SLFN11: variants seen among roughly 807,000 people sequenced by gnomAD.
SLFN11 encodes the protein schlafen family member 11.
A neutral mutation model predicts 53.4 loss-of-function variants in SLFN11; 43 were observed. The ratio of observed to expected loss-of-function variants is 0.80; its 90% CI spans 0.63 to 1.04. SLFN11 has a LOEUF of 1.04. SLFN11 is among the 50% of genes least tolerant of loss of function. SLFN11 has a pLI of 0.00. For synonymous variants in SLFN11, 389 were observed against 394.7 expected, an observed-to-expected ratio of 0.99 and a Z score of 0.17; for missense variants, 990 against 1,079.1, an observed-to-expected ratio of 0.92 and a Z score of 1.16.
In SLFN11 at chr17:35,360,233, C is replaced by T. The variant is rs1207915714; in HGVS notation, c.1198+10G>A. On this transcript the variant is annotated intron_variant, in intron 5 of 6. Coordinates refer to ENST00000685675, the MANE Select transcript of SLFN11 (RefSeq NM_001376007.1). ...AACTGGCTGGTGTTGAGAAGACAAACCATAATTACCTGAAAATAAAAGTTG... is the reference window on the plus strand; with the variant it reads ...AACTGGCTGGTGTTGAGAAGACAAATCATAATTACCTGAAAATAAAAGTTG... 1 of 1,607,822 alleles carries T rather than the reference C, an allele frequency of 6.2e-7. No individual in the cohort carries two copies. Among genetic ancestry groups the T allele is most frequent in the African/African-American group, 1.3e-5 (1 of 74,424 alleles).
chr17:35,363,394 G>A lies in SLFN11; in HGVS notation c.414C>T (p.Thr138=), dbSNP rs948128070. ...LSSSLYRRSE[T]SVRSMDSREA... is the part of the protein sequence containing the mutation. ...CTCTTGAGTCCATGGAACGCACAGA[G>A]GTCTCAGATCTACGGTATAATGAAG... The change falls in exon 4 of 7, where the codon ACC becomes ACT. Residue 138 remains threonine (T), a synonymous_variant. Coordinates refer to ENST00000685675, the MANE Select transcript of SLFN11 (RefSeq NM_001376007.1). 2 of 1,613,832 alleles carry A rather than the reference G, an allele frequency of 1.2e-6. No individual in the cohort carries two copies. Among genetic ancestry groups the A allele is most frequent in the African/African-American group, 2.7e-5 (2 of 74,874 alleles).
chr17:35,371,599 T>C (rs1909668784), intron 1 of SLFN11, among the ~76,000 whole-genome samples: 1 of 151,998 alleles, frequency 6.6e-6, no homozygotes, highest in Non-Finnish European at 1.5e-5. Flanking sequence ...AACCAGAACA[T>C]ATCAGGAGCT....
chr17:35,363,310 A>T lies in SLFN11; in HGVS notation c.498T>A (p.Phe166Leu). 1 of 1,613,968 alleles carries T rather than the reference A, an allele frequency of 6.2e-7. No individual in the cohort carries two copies. Among genetic ancestry groups the T allele is most frequent in the South Asian group, 1.1e-5 (1 of 91,078 alleles). Residue 166 changes from phenylalanine to leucine, a missense_variant, in exon 4 of 7, where the codon TTT becomes TTA. Physicochemically the swap from Phe to Leu is conservative, Grantham distance 22. Around this residue, in one of 3 missense-constraint regions of SLFN11, gnomAD observed 521 missense variants for 516.2 expected, o/e 1.01. Coordinates refer to ENST00000685675, the MANE Select transcript of SLFN11 (RefSeq NM_001376007.1). ...GGTATACACCCTTGTGAATTTTGTGAAAAGGTCCTTCTTCCAAGATTTTTG... is the reference window on the plus strand; with the variant it reads ...GGTATACACCCTTGTGAATTTTGTGTAAAGGTCCTTCTTCCAAGATTTTTG... ...RKPKILEEGP[F>L]HKIHKGVYQE... is the part of the protein sequence containing the mutation.
Position 35,353,971 on chromosome 17 carries a change from C to T in SLFN11, c.1287G>A (p.Lys429=), listed in dbSNP as rs374459913. The change falls in exon 6 of 7, where the codon AAG becomes AAA. Residue 429 remains lysine, a synonymous_variant. Transcript: ENST00000685675. The part of the protein sequence containing the change: ...EHRGLEELIN[K]QMQPFFRGIL... ...TTCCCCGAAAGAAAGGTTGCATTTG[C>T]TTATTTATTAACTCCTCTAGTCCTC... 23 of 1,614,058 alleles carry T rather than the reference C, an allele frequency of 1.4e-5. No homozygotes were observed. In the South Asian group the frequency reaches 1.6e-4, roughly 12 times the overall value.
chr17:35,357,381 G>C (rs563701952), intron 5 of SLFN11, among the ~76,000 whole-genome samples: 3 of 151,934 alleles, frequency 2.0e-5, no homozygotes, highest in Admixed American at 1.3e-4. Context: ...TTTGAATCTT[G>C]ATTTTTTTAA....
intron 1 of SLFN11, among the ~76,000 whole-genome samples, chr17:35,369,387 G>A (rs1207653620): frequency 6.6e-6 from 1 of 152,110 alleles, no homozygotes; most frequent in Non-Finnish European, 1.5e-5. Flanking sequence ...GTGGAAAAAG[G>A]AGGGAAGAAT....
intron 5 of SLFN11, among the ~76,000 whole-genome samples, chr17:35,357,353 C>G (rs1277503858): frequency 6.6e-6 from 1 of 151,954 alleles, no homozygotes; most frequent in Non-Finnish European, 1.5e-5. Context: ...ACAGTCTTTA[C>G]TTTTATGGTT....
At chr17:35,368,941 G>A (rs1909304571) in intron 1 of SLFN11, among the ~76,000 whole-genome samples, 2 of 152,018 alleles carry the variant, frequency 1.3e-5, no homozygotes, top group Admixed American at 1.3e-4. Context: ...GTCCTGGCAG[G>A]ATCTATCACC....
intron 5 of SLFN11, among the ~76,000 whole-genome samples, chr17:35,354,655 G>A (rs542057096): frequency 2.6e-5 from 4 of 152,238 alleles, no homozygotes; most frequent in East Asian, 1.9e-4. Context: ...AAAGATCAAC[G>A]TATGGCTCCC....
At chr17:35,360,217 G>T in intron 5 of SLFN11, 26 bp downstream of exon 5, 1 of 1,599,148 alleles carries the variant, frequency 6.3e-7, no homozygotes, top group Non-Finnish European at 8.5e-7. Context: ...AAACTGGCTG[G>T]TGTTGAGAAG....
At chr17:35,354,762 A>G (rs1214270014) in intron 5 of SLFN11, among the ~76,000 whole-genome samples, 1 of 152,172 alleles carries the variant, frequency 6.6e-6, no homozygotes, top group Non-Finnish European at 1.5e-5. Flanking sequence ...ACTTATTTCA[A>G]TGATCAAGGG....
At chr17:35,361,201 A>G (rs1048607566) in intron 4 of SLFN11, among the ~76,000 whole-genome samples, 3 of 152,026 alleles carry the variant, frequency 2.0e-5, no homozygotes, top group Non-Finnish European at 2.9e-5. Flanking sequence ...TAGCCTGCCA[A>G]ATTATAGCAT....
chr17:35,372,251 A>G (rs139652911), intron 1 of SLFN11, among the ~76,000 whole-genome samples: 1,587 of 152,222 alleles, frequency 0.01, 27 homozygotes, highest in African/African-American at 0.036. Flanking sequence ...GTTCTCACTT[A>G]TTTGTGGCAT....
At chr17:35,364,303 T>C (rs1035021563) in intron 3 of SLFN11, among the ~76,000 whole-genome samples, 2 of 152,024 alleles carry the variant, frequency 1.3e-5, no homozygotes, top group Non-Finnish European at 2.9e-5. Flanking sequence ...CAGAAAGGAC[T>C]GACTGTGAAA....
chr17:35,356,978 T>C (rs988082749), intron 5 of SLFN11, among the ~76,000 whole-genome samples: 3 of 152,082 alleles, frequency 2.0e-5, no homozygotes, highest in African/African-American at 7.2e-5. Context: ...AAATAAGAGA[T>C]AATGTCAGGT....
chr17:35,361,446 T>G (rs1279426554), intron 4 of SLFN11, among the ~76,000 whole-genome samples: 3 of 152,038 alleles, frequency 2.0e-5, no homozygotes. Context: ...CCCGTGACCC[T>G]CATCACCCTG....
chr17:35,356,894 G>A (rs1434791206), intron 5 of SLFN11, among the ~76,000 whole-genome samples: 1 of 150,864 alleles, frequency 6.6e-6, no homozygotes, highest in Non-Finnish European at 1.5e-5. Context: ...TTGCCAAATT[G>A]TCCTCCAATG....
chr17:35,371,019 G>A (rs541081120), intron 1 of SLFN11, among the ~76,000 whole-genome samples: 87 of 151,934 alleles, frequency 5.7e-4, no homozygotes, highest in Admixed American at 1.5e-3. Context: ...CAAAGTTATC[G>A]GAAGCAAAAA....
At chr17:35,365,461 A>T (rs538310163) in intron 3 of SLFN11, among the ~76,000 whole-genome samples, 21 of 150,918 alleles carry the variant, frequency 1.4e-4, no homozygotes, top group Middle Eastern at 3.4e-3. Context: ...ATTCTTTAAA[A>T]ATTTTTTTTT....
Sources: gnomAD v4.1 joint callset for allele counts (sites outside exome capture counted in the v4.1 genomes callset) on GRCh38, gnomAD v4.1.1 for gene constraint, gnomAD v4.1.1 regional missense constraint, MANE v1.5 for transcripts, NCBI Gene and HGNC (gene_info 2026-07-23, HGNC 2026-07-21) for gene names.